MOK: variants seen among roughly 807,000 people sequenced by gnomAD.
MOK encodes the protein MOK protein kinase, also known as MAPK/MAK/MRK overlapping kinase.
In MOK, 59 loss-of-function variants were observed where a neutral mutation model predicts 54.2. The observed-to-expected ratio is 1.09, with a 90% CI of 0.88 to 1.35. The LOEUF (loss-of-function observed/expected upper bound fraction) is 1.35, where lower values mean the gene tolerates loss of function less well. Ranked by LOEUF, MOK falls within the 40% of genes most tolerant of loss-of-function variation. The probability of loss-of-function intolerance (pLI) is 0.00; values close to 1 mark genes in which losing one functional copy is unlikely to be tolerated. For synonymous variants in MOK, 210 were observed against 202.7 expected, an observed-to-expected ratio of 1.04 and a Z score of -0.31; for missense variants, 517 against 526.2, an observed-to-expected ratio of 0.98 and a Z score of 0.17.
In MOK at chr14:102,235,786, C is replaced by T. The variant is rs2153089505; in HGVS notation, c.591-1997G>A. ...TTCCCAATCTGCCCCCGACATCTGG[C>T]GCAAACTTAAAAAGGCTGAAGATGC... On this transcript the variant is annotated intron_variant, in intron 7 of 11. Transcript: ENST00000361847. The surrounding 1 kb of genome is among the most constrained non-coding windows in gnomAD (Gnocchi z 4.4). Among the ~76,000 whole-genome samples the T allele has an allele frequency of 1.3e-5, 2 of 152,256 alleles. No homozygotes were observed.
At chr14:102,257,415 C>A (rs1449670774) in intron 4 of MOK, among the ~76,000 whole-genome samples, 1 of 152,074 alleles carries the variant, frequency 6.6e-6, no homozygotes, top group Non-Finnish European at 1.5e-5. Flanking sequence ...TTCCTATAGG[C>A]CAAGCCCAGA....
downstream of MOK, chr14:102,223,691 G>A (rs1408599741): frequency 1.3e-5 from 2 of 152,410 alleles, no homozygotes; most frequent in Admixed American, 6.5e-5. Flanking sequence ...TTTATCTTCT[G>A]TTAAATTGGC....
chr14:102,228,085 A>G (rs2064326104), downstream of MOK, among the ~76,000 whole-genome samples: 1 of 152,180 alleles, frequency 6.6e-6, no homozygotes, highest in South Asian at 2.1e-4. Context: ...TTTCTTTGCA[A>G]TGTTCCCATT....
chr14:102,271,599 C>A (rs374850143), intron 2 of MOK, among the ~76,000 whole-genome samples: 1 of 152,152 alleles, frequency 6.6e-6, no homozygotes, highest in Non-Finnish European at 1.5e-5. Flanking sequence ...CGCTCTGTTG[C>A]CCAGGCTGGA....
chr14:102,258,890 C>A (rs956026599), intron 4 of MOK, among the ~76,000 whole-genome samples: 1 of 152,042 alleles, frequency 6.6e-6, no homozygotes, highest in Non-Finnish European at 1.5e-5. Flanking sequence ...CATAGTGAAA[C>A]CCCGTCTCTA....
In MOK at chr14:102,305,094, C is replaced by A; in HGVS notation, c.-126G>T. ...CCCGCACTAGGATCTCCGTGGTGGT[C>A]CCTCGAAGGAGAGCGTTAGAGATCC... is the stretch of plus-strand genomic sequence containing the variant. On this transcript the variant is annotated 5_prime_UTR_variant, in exon 1 of 12. Coordinates refer to ENST00000361847, the MANE Select transcript of MOK (RefSeq NM_014226.3). The A allele has an allele frequency of 8.7e-7, 1 of 1,151,932 alleles. No individual in the cohort carries two copies. The highest frequency in any genetic ancestry group is 1.3e-6 in the Non-Finnish European group (1 of 784,814). The allele number at this position is 1,151,932 out of a possible 1,614,324, so 71.4% of individuals were successfully genotyped here. A position where few individuals can be genotyped will look rare whatever the true frequency, so the allele number is the denominator to read the frequency against.
intron 4 of MOK, among the ~76,000 whole-genome samples, chr14:102,254,397 T>A (rs78666424): frequency 6.6e-6 from 1 of 152,186 alleles, no homozygotes; most frequent in African/African-American, 2.4e-5. Context: ...CTTTATCAGC[T>A]TTCCCAAGCT....
At chr14:102,253,887 TTCTTTTGAA>T (rs2066725403) in intron 4 of MOK, among the ~76,000 whole-genome samples, 1 of 152,250 alleles carries the variant, frequency 6.6e-6, no homozygotes, top group Non-Finnish European at 1.5e-5. Flanking sequence ...AGTTTACAAT[TTCTTTTGAA>T]AAATTAAAAT....
At chr14:102,214,733 CA>C in the MOK span, 3 of 980,118 alleles carry the variant, frequency 3.1e-6, no homozygotes, top group African/African-American at 5.2e-5. Flanking sequence ...AATTTCTTGA[CA>C]ACTTGAATAA....
At chr14:102,292,012 T>C (rs1197269753) in intron 1 of MOK, among the ~76,000 whole-genome samples, 3 of 151,764 alleles carry the variant, frequency 2.0e-5, no homozygotes, top group African/African-American at 7.3e-5. Flanking sequence ...ACCAGCTATA[T>C]ACCACACACT....
intron 4 of MOK, among the ~76,000 whole-genome samples, chr14:102,259,139 T>A (rs1338992565): frequency 1.3e-5 from 2 of 152,174 alleles, no homozygotes; most frequent in African/African-American, 4.8e-5. Context: ...CTTCTTTATC[T>A]TCCCAGTTCT....
downstream of MOK, chr14:102,226,412 T>TG (rs764954500): frequency 1.4e-6 from 1 of 702,946 alleles, no homozygotes; most frequent in South Asian, 1.5e-5. This position sits in a 1 kb window ranked among gnomAD's most constrained non-coding sequence, Gnocchi z 4.8. Flanking sequence ...CTGGGTTCTG[T>TG]GGGGATAATT....
At chr14:102,286,570 T>C (rs1351203277) in intron 1 of MOK, among the ~76,000 whole-genome samples, 3 of 150,904 alleles carry the variant, frequency 2.0e-5, no homozygotes, top group Admixed American at 6.6e-5. Context: ...GGGATCGCAC[T>C]ACTATACGCT....
chr14:102,302,426 T>G (rs1406906080), intron 1 of MOK, among the ~76,000 whole-genome samples: 1 of 151,860 alleles, frequency 6.6e-6, no homozygotes, highest in East Asian at 1.9e-4. Flanking sequence ...TATTTTCTTT[T>G]TTTTTGAGAC....
chr14:102,263,625 G>GTTTTT lies in MOK; in HGVS notation c.213-10_213-9insAAAAA. 1 of 1,586,998 alleles carries GTTTTT rather than the reference G, an allele frequency of 6.3e-7. No individual in the cohort carries two copies. The highest frequency in any genetic ancestry group is 2.2e-5 in the East Asian group (1 of 44,542). On this transcript the variant is annotated splice_polypyrimidine_tract_variant and intron_variant, in intron 3 of 11. Transcript: ENST00000361847. Reference sequence around the variant, plus strand: ...AACCAGATTTTCTGTCACTGAAGAAGAAAGCAAGTTTTTAAAATAAATTTT... The same window carrying GTTTTT: ...AACCAGATTTTCTGTCACTGAAGAAGTTTTTAAAGCAAGTTTTTAAAATAAATTTT...
intron 4 of MOK, among the ~76,000 whole-genome samples, chr14:102,257,279 G>C (rs1417858395): frequency 6.6e-6 from 1 of 152,088 alleles, no homozygotes; most frequent in Non-Finnish European, 1.5e-5. Context: ...GATCACGGCT[G>C]CCTCCTGATC....
In MOK at chr14:102,231,652, G is replaced by A; in HGVS notation, c.981+55C>T. Reference sequence around the variant, plus strand: ...CCTGAGAGAGACACAGGCCACCCGAGGGCATCCAGTCCCGGCTGAGCTAGG... The same window carrying A: ...CCTGAGAGAGACACAGGCCACCCGAAGGCATCCAGTCCCGGCTGAGCTAGG... On this transcript the variant is annotated intron_variant, in intron 10 of 11. Coordinates refer to ENST00000361847, the MANE Select transcript of MOK (RefSeq NM_014226.3). This position sits in a 1 kb window ranked among gnomAD's most constrained non-coding sequence, Gnocchi z 4.4. The A allele has an allele frequency of 6.6e-7, 1 of 1,522,516 alleles. No individual in the cohort carries two copies. The highest frequency in any genetic ancestry group is 9.1e-7 in the Non-Finnish European group (1 of 1,101,910). The allele number at this position is 1,522,516 out of a possible 1,614,324, so 94.3% of individuals were successfully genotyped here. A position where few individuals can be genotyped will look rare whatever the true frequency, so the allele number is the denominator to read the frequency against.
At chr14:102,272,588 C>T (rs2153150963) in intron 2 of MOK, among the ~76,000 whole-genome samples, 1 of 152,082 alleles carries the variant, frequency 6.6e-6, no homozygotes, top group Non-Finnish European at 1.5e-5. Context: ...GTGGGGAATC[C>T]CAGCTATACT....
intron 2 of MOK, among the ~76,000 whole-genome samples, chr14:102,266,675 CG>C (rs1245317091): frequency 3.3e-5 from 5 of 152,016 alleles, no homozygotes; most frequent in African/African-American, 1.2e-4. Flanking sequence ...CTCTGCCTCC[CG>C]GGTTCAAGCG....
Sources: gnomAD v4.1 joint callset for allele counts (sites outside exome capture counted in the v4.1 genomes callset) on GRCh38, gnomAD v4.1.1 for gene constraint, Gnocchi (gnomAD v3.1) non-coding constraint, MANE v1.5 for transcripts, NCBI Gene and HGNC (gene_info 2026-07-23, HGNC 2026-07-21) for gene names.